GABRG3: variants seen among roughly 807,000 people sequenced by gnomAD.
GABRG3 encodes gamma-aminobutyric acid receptor subunit gamma-3.
GABRG3 carries 25 observed loss-of-function variants against 48.8 expected under a neutral mutation model. That is an observed-to-expected ratio of 0.51 (90% CI 0.37 to 0.72). The LOEUF is 0.72. Ranked by LOEUF, GABRG3 falls within the 30% of genes least tolerant of loss-of-function variation. The probability of loss-of-function intolerance (pLI) is 0.00; values close to 1 mark genes in which losing one functional copy is unlikely to be tolerated. For missense variants in GABRG3, 394 were observed against 577.9 expected (o/e 0.68, Z 3.26); for synonymous variants, 227 against 217.6 (o/e 1.04, Z -0.38).
At chr15:27,034,145 C>T (rs544426269) in intron 3 of GABRG3, among the ~76,000 whole-genome samples, 13 of 152,314 alleles carry the variant, frequency 8.5e-5, no homozygotes, top group Non-Finnish European at 1.8e-4. Flanking sequence ...TGTATGAAAA[C>T]GTATATGCCT....
chr15:27,050,228 A>G (rs12440850), intron 3 of GABRG3, among the ~76,000 whole-genome samples: 9,942 of 152,240 alleles, frequency 0.065, 551 homozygotes, highest in Admixed American at 0.13. Context: ...CGTAGGGAAA[A>G]GACACAATAT....
chr15:27,344,973 C>T (rs534471310), intron 5 of GABRG3, among the ~76,000 whole-genome samples: 1 of 152,254 alleles, frequency 6.6e-6, no homozygotes, highest in African/African-American at 2.4e-5. Context: ...GACAAACCTC[C>T]TTGTTCTGAT....
At chr15:27,054,868 T>G (rs529006098) in intron 3 of GABRG3, among the ~76,000 whole-genome samples, 2 of 151,970 alleles carry the variant, frequency 1.3e-5, no homozygotes, top group Non-Finnish European at 2.9e-5. Flanking sequence ...ACTACAAAAG[T>G]CTAAGTTACT....
chr15:27,117,133 G>A (rs1019947475), intron 3 of GABRG3, among the ~76,000 whole-genome samples: 2 of 152,172 alleles, frequency 1.3e-5, no homozygotes, highest in Non-Finnish European at 2.9e-5. Flanking sequence ...AAGCTAATAA[G>A]GGAAGGAAAC....
chr15:27,159,744 T>C (rs984227990), intron 3 of GABRG3, among the ~76,000 whole-genome samples: 13 of 152,146 alleles, frequency 8.5e-5, no homozygotes, highest in African/African-American at 3.1e-4. Flanking sequence ...ACACATTCCC[T>C]GCTTACAATG....
chr15:27,294,751 A>C (rs2140488756), intron 3 of GABRG3: 1 of 152,228 alleles, frequency 6.6e-6, no homozygotes, highest in South Asian at 2.1e-4. Flanking sequence ...CACGTCTGTA[A>C]ACCAGGGGCG....
chr15:27,090,057 TAG>T (rs1432619388), intron 3 of GABRG3, among the ~76,000 whole-genome samples: 2 of 152,248 alleles, frequency 1.3e-5, no homozygotes, highest in Non-Finnish European at 2.9e-5. Flanking sequence ...CTTTTGTGTA[TAG>T]ACAGGTAGTC....
chr15:27,373,590 A>G (rs1595711758), intron 5 of GABRG3, among the ~76,000 whole-genome samples: 1 of 152,326 alleles, frequency 6.6e-6, no homozygotes, highest in East Asian at 1.9e-4. Context: ...GGCTTTTCCA[A>G]TTCTAAAAAG....
intron 3 of GABRG3, among the ~76,000 whole-genome samples, chr15:27,067,858 T>C (rs956846135): frequency 2.6e-5 from 4 of 152,180 alleles, no homozygotes; most frequent in African/African-American, 9.6e-5. Flanking sequence ...TCAGGAGATC[T>C]AACAGCTTTA....
chr15:27,190,493 G>A (rs1050682493), intron 3 of GABRG3, among the ~76,000 whole-genome samples: 7 of 152,102 alleles, frequency 4.6e-5, no homozygotes, highest in Non-Finnish European at 7.4e-5. Flanking sequence ...ATTTCTTCTC[G>A]ATTTTCTGGT....
In GABRG3 at chr15:27,527,556, C is replaced by T. The variant is rs1471042419; in HGVS notation, c.989C>T (p.Ala330Val). 6.2e-7 allele frequency: 1 copy of T among 1,613,884 alleles called. No homozygotes were observed. Among genetic ancestry groups the T allele is most frequent in the East Asian group, 2.2e-5 (1 of 44,852 alleles). The change falls in exon 8 of 10, where the codon GCG (alanine) becomes GTG (valine). Residue 330 changes from alanine to valine, a missense_variant. Ala to Val is a moderately conservative substitution (Grantham distance 64). This residue lies in a region of GABRG3 where 50 missense variants were observed against 112.5 expected (regional missense o/e 0.44). Coordinates refer to ENST00000615808, the MANE Select transcript of GABRG3 (RefSeq NM_033223.5). Reference sequence around the variant, plus strand: ...GTGTGCTTCCTGTTTGTCTTCGCCGCGCTGATGGAGTATGCCACCCTCAAC... The same window carrying T: ...GTGTGCTTCCTGTTTGTCTTCGCCGTGCTGATGGAGTATGCCACCCTCAAC... ...VTVCFLFVFAALMEYATLNYY... is the reference protein window; with the variant it reads ...VTVCFLFVFAVLMEYATLNYY...
chr15:27,439,616 T>C (rs1888723123), intron 5 of GABRG3, among the ~76,000 whole-genome samples: 2 of 152,194 alleles, frequency 1.3e-5, no homozygotes, highest in Non-Finnish European at 2.9e-5. Context: ...TGGACAGTGG[T>C]AGTCTCTTGC....
intron 5 of GABRG3, among the ~76,000 whole-genome samples, chr15:27,433,669 G>A (rs1595751613): frequency 6.6e-6 from 1 of 152,214 alleles, no homozygotes; most frequent in Non-Finnish European, 1.5e-5. Flanking sequence ...TGAGTTTAGG[G>A]CTAGTATTGT....
chr15:27,248,797 CACACACAG>C (rs1431459660), intron 3 of GABRG3, among the ~76,000 whole-genome samples: 5 of 112,086 alleles, frequency 4.5e-5, no homozygotes, highest in South Asian at 3.1e-4. Context: ...CACACACACA[CACACACAG>C]AGAGAGAGAG....
chr15:27,298,642 T>C (rs1892084912), intron 3 of GABRG3, among the ~76,000 whole-genome samples: 1 of 151,802 alleles, frequency 6.6e-6, no homozygotes, highest in South Asian at 2.1e-4. Flanking sequence ...GACTCAATTT[T>C]AAGCTTAATT....
At chr15:27,205,830 C>A (rs1888834244) in intron 3 of GABRG3, among the ~76,000 whole-genome samples, 1 of 151,802 alleles carries the variant, frequency 6.6e-6, no homozygotes, top group South Asian at 2.1e-4. Flanking sequence ...TTATCAATTT[C>A]TTCTAGATTT....
At chr15:27,104,438 T>C (rs1897415156) in intron 3 of GABRG3, among the ~76,000 whole-genome samples, 1 of 152,230 alleles carries the variant, frequency 6.6e-6, no homozygotes. Flanking sequence ...CTTTAAAAAT[T>C]TGTGTTTGTT....
chr15:27,034,662 C>G (rs56028155), intron 3 of GABRG3, among the ~76,000 whole-genome samples: 6 of 152,162 alleles, frequency 3.9e-5, no homozygotes, highest in African/African-American at 1.4e-4. Flanking sequence ...TCCATCGAGT[C>G]TTGTGTGGCA....
At chr15:27,234,355 G>A (rs912878940) in intron 3 of GABRG3, among the ~76,000 whole-genome samples, 4 of 152,192 alleles carry the variant, frequency 2.6e-5, no homozygotes, top group African/African-American at 9.6e-5. Context: ...CAGCCCTGCT[G>A]TGTGTTTGAC....
Sources: gnomAD v4.1 joint callset for allele counts (sites outside exome capture counted in the v4.1 genomes callset) on GRCh38, gnomAD v4.1.1 for gene constraint, gnomAD v4.1.1 regional missense constraint, MANE v1.5 for transcripts, NCBI Gene and HGNC (gene_info 2026-07-23, HGNC 2026-07-21) for gene names.